GLI3: variants seen among roughly 807,000 people sequenced by gnomAD.
GLI3 encodes the protein GLI family zinc finger 3, also known as transcription activator GLI3.
In GLI3, 20 loss-of-function variants were observed where a neutral mutation model predicts 100.8. That is an observed-to-expected ratio of 0.20 (90% CI 0.14 to 0.29). GLI3 has a LOEUF of 0.29. Among genes scored for constraint, GLI3 ranks in the 10% least tolerant of loss-of-function variants. The pLI is 1.00. For missense variants in GLI3, 2,040 were observed against 2,128.5 expected, an observed-to-expected ratio of 0.96 and a Z score of 0.82; for synonymous variants, 938 against 860.5, an observed-to-expected ratio of 1.09 and a Z score of -1.58.
intron 7 of GLI3, among the ~76,000 whole-genome samples, chr7:42,032,301 T>C (rs1789317593): frequency 6.6e-6 from 1 of 152,210 alleles, no homozygotes; most frequent in African/African-American, 2.4e-5. Context: ...ACATTAAACC[T>C]GGAAATACAT....
At chr7:42,157,203 C>A (rs1213117529) in intron 2 of GLI3, among the ~76,000 whole-genome samples, 3 of 152,136 alleles carry the variant, frequency 2.0e-5, no homozygotes, top group Non-Finnish European at 2.9e-5. Flanking sequence ...CAACAGAAAC[C>A]CCCTTTAGCT....
At chr7:42,136,548 G>A (rs1786432530) in intron 3 of GLI3, among the ~76,000 whole-genome samples, 1 of 152,130 alleles carries the variant, frequency 6.6e-6, no homozygotes, top group Non-Finnish European at 1.5e-5. Context: ...TCCAAAACAT[G>A]GGGGTACAGA....
chr7:42,242,863 T>C (rs1352863336), upstream of GLI3, among the ~76,000 whole-genome samples: 1 of 152,186 alleles, frequency 6.6e-6, no homozygotes, highest in Admixed American at 6.5e-5. Flanking sequence ...TCCTCTATTT[T>C]GTTACAAAAG....
rs1554337071 is a variant in GLI3, at chr7:42,182,662, A to ACGTGTGTG, written c.125-34195_125-34194insCACACACG. Among the ~76,000 whole-genome samples, 6 of 76,740 alleles carry ACGTGTGTG rather than the reference A, an allele frequency of 7.8e-5. 1 individual carries two copies. Among genetic ancestry groups the ACGTGTGTG allele is most frequent in the African/African-American group, 2.7e-4 (4 of 14,966 alleles). 50.3% of individuals were successfully genotyped at this position (76,740 alleles called of 152,430 possible). A position where few individuals can be genotyped will look rare whatever the true frequency, so the allele number is the denominator to read the frequency against. ...TGTGTGTGTATATATATATATATAT[A>ACGTGTGTG]TATATATATATATATATATACACAT... On this transcript the variant is annotated intron_variant, in intron 2 of 14. Coordinates refer to ENST00000395925, the MANE Select transcript of GLI3 (RefSeq NM_000168.6).
chr7:42,089,898 G>A (rs1275829726), intron 3 of GLI3, among the ~76,000 whole-genome samples: 3 of 152,160 alleles, frequency 2.0e-5, no homozygotes, highest in Non-Finnish European at 2.9e-5. Flanking sequence ...TAAGAAATAT[G>A]TCTTTAGATG....
rs1562691347 is a variant in GLI3, at chr7:42,025,381, C to T, written c.1243-4G>A. 6.2e-7 allele frequency: 1 copy of T among 1,605,614 alleles called. No individual in the cohort carries two copies. Reference sequence around the variant, plus strand: ...CAGACTCACTCGTGGGCTTGTTCTGCTGGTCACATTTGCAGAGCCAGAGAC... The same window carrying T: ...CAGACTCACTCGTGGGCTTGTTCTGTTGGTCACATTTGCAGAGCCAGAGAC... On this transcript the variant is annotated splice_polypyrimidine_tract_variant and splice_region_variant and intron_variant, in intron 8 of 14. Coordinates refer to ENST00000395925, the MANE Select transcript of GLI3 (RefSeq NM_000168.6).
chr7:42,225,945 T>C (rs927362926), intron 1 of GLI3, among the ~76,000 whole-genome samples: 3 of 152,246 alleles, frequency 2.0e-5, no homozygotes, highest in African/African-American at 7.2e-5. Context: ...AGTACATAAA[T>C]GATCGCATCA....
intron 1 of GLI3, among the ~76,000 whole-genome samples, chr7:42,261,885 CT>C (rs1446921979): frequency 6.7e-6 from 1 of 148,954 alleles, no homozygotes; most frequent in Non-Finnish European, 1.5e-5. Flanking sequence ...CCTTCCCTTC[CT>C]TTCCCTTCCC....
At position 42,096,272 on chromosome 7, in the gene GLI3, A is replaced by G. The variant is rs1252911353; in HGVS notation, c.368-19415T>C. 2.0e-5 allele frequency among the ~76,000 whole-genome samples: 3 copies of G among 152,154 alleles called. No individual in the cohort carries two copies. The East Asian group carries it at 5.8e-4, about 29-fold the overall frequency. On this transcript the variant is annotated intron_variant, in intron 3 of 14. Coordinates refer to ENST00000395925, the MANE Select transcript of GLI3 (RefSeq NM_000168.6). ...TGGAGGAAGAATGAAGTGAGAAAGGAGAGTACCGATGGAGTCAGGGTCCCT... is the reference window on the plus strand; with the variant it reads ...TGGAGGAAGAATGAAGTGAGAAAGGGGAGTACCGATGGAGTCAGGGTCCCT...
intron 2 of GLI3, among the ~76,000 whole-genome samples, chr7:42,158,093 C>T (rs559951927): frequency 6.6e-6 from 1 of 152,296 alleles, no homozygotes; most frequent in South Asian, 2.1e-4. Context: ...ACCCTAAGGT[C>T]CCTCCCTGAA....
At chr7:42,036,977 A>C (rs1789458649) in intron 7 of GLI3, among the ~76,000 whole-genome samples, 1 of 152,122 alleles carries the variant, frequency 6.6e-6, no homozygotes, top group Non-Finnish European at 1.5e-5. Context: ...CCCAGTCTCT[A>C]CTAAAAATAC....
chr7:42,180,056 AC>A (rs1471040354), intron 2 of GLI3, among the ~76,000 whole-genome samples: 4 of 152,162 alleles, frequency 2.6e-5, no homozygotes, highest in African/African-American at 7.2e-5. Flanking sequence ...AGGAATAAGT[AC>A]AGAGGGAGAA....
At chr7:42,033,816 G>C (rs991664296) in intron 7 of GLI3, among the ~76,000 whole-genome samples, 1 of 151,960 alleles carries the variant, frequency 6.6e-6, no homozygotes, top group Non-Finnish European at 1.5e-5. Context: ...ATTTGAGAGG[G>C]AAAAAAATAA....
chr7:42,107,854 T>C (rs1785611905), intron 3 of GLI3, among the ~76,000 whole-genome samples: 1 of 152,216 alleles, frequency 6.6e-6, no homozygotes, highest in Non-Finnish European at 1.5e-5. Flanking sequence ...TTTTGTTTAC[T>C]GTTGTTGTTG....
chr7:41,992,873 T>A (rs1788027036), intron 10 of GLI3, among the ~76,000 whole-genome samples: 1 of 152,118 alleles, frequency 6.6e-6, no homozygotes, highest in Non-Finnish European at 1.5e-5. Context: ...TAGCAATATG[T>A]TGGAGTGTGG....
intron 2 of GLI3, among the ~76,000 whole-genome samples, chr7:42,150,389 A>C (rs1786826317): frequency 6.6e-6 from 1 of 152,218 alleles, no homozygotes; most frequent in Non-Finnish European, 1.5e-5. Flanking sequence ...AGTCTATAGA[A>C]TAAGAATTTT....
intron 10 of GLI3, 118 bp from the exon 11 acceptor site, chr7:41,978,866 A>C (rs1458455191): frequency 1.1e-6 from 1 of 883,376 alleles, no homozygotes; most frequent in Non-Finnish European, 1.8e-6. Flanking sequence ...CACAAGAATA[A>C]CTTTACCATA....
rs187487752 is a variant in GLI3 at position 42,049,572 on chromosome 7, G to A, written c.474-876C>T. Among the ~76,000 whole-genome samples, 15 of 152,244 alleles carry A rather than the reference G, an allele frequency of 9.9e-5. No individual in the cohort carries two copies. The East Asian group carries it at 2.9e-3, about 29-fold the overall frequency. On this transcript the variant is annotated intron_variant, in intron 4 of 14. Transcript: ENST00000395925. ...GAGCTAAGGTAGAATGTAGGCTTTT[G>A]GTTAATAAAAATAAATTCTAAAACA...
intron 1 of GLI3, among the ~76,000 whole-genome samples, chr7:42,223,946 G>C (rs1235581136): frequency 6.6e-6 from 1 of 152,192 alleles, no homozygotes; most frequent in Non-Finnish European, 1.5e-5. Flanking sequence ...ACACTTTTAA[G>C]ACAAAGGTAA....
Sources: allele counts gnomAD v4.1 joint callset (sites outside exome capture counted in the v4.1 genomes callset), GRCh38; gene constraint gnomAD v4.1.1; transcripts MANE v1.5; gene names NCBI Gene and HGNC (gene_info 2026-07-23, HGNC 2026-07-21).